The following SHC4 variants were observed in gnomAD, a reference collection of about 807,000 sequenced individuals.
SHC4 encodes SHC-transforming protein 4.
In SHC4, 41 loss-of-function variants were observed where a neutral mutation model predicts 69.4. The observed-to-expected ratio is 0.59, with a 90% CI of 0.46 to 0.77. The LOEUF (loss-of-function observed/expected upper bound fraction) is 0.77. SHC4 is among the 30% of genes least tolerant of loss of function. The probability of loss-of-function intolerance (pLI) is 0.00; values close to 1 mark genes in which losing one functional copy is unlikely to be tolerated. For synonymous variants in SHC4, 318 were observed against 299.3 expected, an observed-to-expected ratio of 1.06 and a Z score of -0.64; for missense variants, 777 against 783.8, an observed-to-expected ratio of 0.99 and a Z score of 0.10.
intron 4 of SHC4, chr15:48,878,034 G>A: frequency 1.9e-6 from 2 of 1,059,794 alleles, no homozygotes; most frequent in Non-Finnish European, 1.3e-6. Context: ...ACAGTGGCGC[G>A]CCAAGTAGGA....
rs141070519 is a variant in SHC4, at chr15:48,834,901, C to G, written c.1605G>C (p.Ala535=). ...ECYHGKLSRK[A]AESLLVKDGD... ...CATCCTTTACCAAGAGGCTCTCTGC[C>G]GCCTTCCTGCTCAGCTTGCCATGAT... Residue 535 remains alanine, a synonymous_variant, in exon 11 of 12, where the codon GCG becomes GCC. Transcript: ENST00000332408. The G allele has an allele frequency of 6.2e-7, 1 of 1,613,982 alleles. No individual in the cohort carries two copies. Among genetic ancestry groups the G allele is most frequent in the Non-Finnish European group, 8.5e-7 (1 of 1,180,026 alleles).
intron 1 of SHC4, among the ~76,000 whole-genome samples, chr15:48,959,565 GT>G (rs1901506469): frequency 6.6e-6 from 1 of 152,130 alleles, no homozygotes; most frequent in Middle Eastern, 3.2e-3. Context: ...CTTTTTTCCT[GT>G]AAACTTTGCC....
rs540090179 is a variant in SHC4, at chr15:48,963,078, C to G, written c.-63G>C. 2 of 1,509,898 alleles carry G rather than the reference C, an allele frequency of 1.3e-6. No homozygotes were observed. Among genetic ancestry groups the G allele is most frequent in the African/African-American group, 1.4e-5 (1 of 72,924 alleles). 93.5% of individuals were successfully genotyped at this position (1,509,898 alleles called of 1,614,324 possible). On this transcript the variant is annotated 5_prime_UTR_variant, in exon 1 of 12. Coordinates refer to ENST00000332408, the MANE Select transcript of SHC4 (RefSeq NM_203349.4). ...ATCGCCTCGTCGTCTGGTAGATAAA[C>G]GGTGCAGACATCAGATACCTCAACG...
chr15:48,886,085 C>T (rs113216117), intron 3 of SHC4, among the ~76,000 whole-genome samples: 12 of 152,180 alleles, frequency 7.9e-5, no homozygotes, highest in East Asian at 1.9e-4. Flanking sequence ...GGTGAAACCC[C>T]GTCTCTACTA....
chr15:48,878,012 G>GCTA, intron 4 of SHC4: 1 of 807,330 alleles, frequency 1.2e-6, no homozygotes, highest in Non-Finnish European at 1.9e-6. Flanking sequence ...AAAACACTGA[G>GCTA]CTACTCCAAC....
At chr15:48,913,033 T>C (rs1900538467) in intron 2 of SHC4, among the ~76,000 whole-genome samples, 1 of 130,386 alleles carries the variant, frequency 7.7e-6, no homozygotes, top group Admixed American at 8.6e-5. Flanking sequence ...ATGGGGGTCC[T>C]TAGCTTTGGT....
chr15:48,879,619 G>T (rs551729703), intron 4 of SHC4: 1 of 167,038 alleles, frequency 6.0e-6, no homozygotes, highest in African/African-American at 2.4e-5. Context: ...GTTAATAAAA[G>T]TTGTCAAGTA....
At chr15:48,918,056 G>A (rs964270415) in intron 2 of SHC4, among the ~76,000 whole-genome samples, 1 of 152,184 alleles carries the variant, frequency 6.6e-6, no homozygotes, top group African/African-American at 2.4e-5. Flanking sequence ...ACACCAGTTT[G>A]TCAGCATTCA....
At chr15:48,874,918 A>G (rs1421736684) in intron 4 of SHC4, among the ~76,000 whole-genome samples, 1 of 152,004 alleles carries the variant, frequency 6.6e-6, no homozygotes, top group Non-Finnish European at 1.5e-5. Context: ...ACTCCCATCC[A>G]TGTCTCTTTC....
intron 10 of SHC4, among the ~76,000 whole-genome samples, chr15:48,835,846 T>C (rs1333033351): frequency 6.6e-6 from 1 of 152,048 alleles, no homozygotes; most frequent in Non-Finnish European, 1.5e-5. Context: ...TACATTATGT[T>C]GTTTAACTCT....
chr15:48,881,176 C>T lies in SHC4; in HGVS notation c.840+3072G>A, dbSNP rs190276545. On this transcript the variant is annotated intron_variant, in intron 4 of 11. Coordinates refer to ENST00000332408, the MANE Select transcript of SHC4 (RefSeq NM_203349.4). Reference sequence around the variant, plus strand: ...ATAAATGTTCGCTTAGATCAGATATCCCATGTTGACTGTCTTCAGGCCACA... The same window carrying T: ...ATAAATGTTCGCTTAGATCAGATATTCCATGTTGACTGTCTTCAGGCCACA... Among the ~76,000 whole-genome samples, 294 of 152,138 alleles carry T rather than the reference C, an allele frequency of 1.9e-3. 1 individual carries two copies. Among genetic ancestry groups the T allele is most frequent in the African/African-American group, 6.9e-3 (285 of 41,500 alleles).
At chr15:48,907,003 G>A (rs966562867) in intron 2 of SHC4, among the ~76,000 whole-genome samples, 4 of 152,134 alleles carry the variant, frequency 2.6e-5, no homozygotes, top group East Asian at 1.9e-4. Flanking sequence ...TTAAACATGC[G>A]ATTAGAAAAA....
intron 6 of SHC4, among the ~76,000 whole-genome samples, chr15:48,862,489 G>A (rs1452099085): frequency 6.6e-6 from 1 of 152,116 alleles, no homozygotes; most frequent in East Asian, 1.9e-4. Flanking sequence ...TAGCCAAGAT[G>A]GAAAAAGTGG....
chr15:48,924,871 C>G lies in SHC4; in HGVS notation c.656+8G>C. The G allele has an allele frequency of 6.2e-7, 1 of 1,614,062 alleles. No homozygotes were observed. The highest frequency in any genetic ancestry group is 1.3e-5 in the African/African-American group (1 of 75,050). ...TCCTCAAAGCCCCTCCCATTTTTGG[C>G]TTCTTACCTTGTAACTTGGGTTCTC... On this transcript the variant is annotated splice_region_variant and intron_variant, in intron 2 of 11. Transcript: ENST00000332408.
chr15:48,931,404 G>A (rs956912307), intron 1 of SHC4, among the ~76,000 whole-genome samples: 3 of 152,052 alleles, frequency 2.0e-5, no homozygotes, highest in African/African-American at 7.2e-5. Flanking sequence ...TATTCTAATT[G>A]CATCTCAAAT....
chr15:48,832,046 G>A (rs746212769), intron 11 of SHC4, among the ~76,000 whole-genome samples: 1 of 152,192 alleles, frequency 6.6e-6, no homozygotes. Flanking sequence ...CAAGGCAGGT[G>A]GATAAACTGA....
intron 5 of SHC4, among the ~76,000 whole-genome samples, chr15:48,870,142 A>G (rs1474731909): frequency 1.3e-5 from 2 of 152,226 alleles, no homozygotes; most frequent in Non-Finnish European, 2.9e-5. Flanking sequence ...TATAAACACT[A>G]CTTTAAATCT....
chr15:48,847,175 C>A (rs1404203945), intron 9 of SHC4, among the ~76,000 whole-genome samples: 1 of 152,046 alleles, frequency 6.6e-6, no homozygotes, highest in Admixed American at 6.6e-5. Flanking sequence ...AGCTAGTACG[C>A]CTTCCAAAAG....
chr15:48,912,320 T>C (rs1351890439), intron 2 of SHC4, among the ~76,000 whole-genome samples: 1 of 152,222 alleles, frequency 6.6e-6, no homozygotes, highest in Non-Finnish European at 1.5e-5. Context: ...ATTGGGTTAA[T>C]TAGAAGACCT....
Sources: gnomAD v4.1 joint callset for allele counts (sites outside exome capture counted in the v4.1 genomes callset) on GRCh38, gnomAD v4.1.1 for gene constraint, MANE v1.5 for transcripts, NCBI Gene and HGNC (gene_info 2026-07-23, HGNC 2026-07-21) for gene names.